The following CACNA2D3 variants were observed in gnomAD, a reference collection of about 807,000 sequenced individuals.
CACNA2D3 encodes voltage-dependent calcium channel subunit alpha-2/delta-3.
Under a neutral mutation model 160.6 loss-of-function variants are expected in CACNA2D3, and 60 were observed. The ratio of observed to expected loss-of-function variants is 0.37; its 90% confidence interval spans 0.30 to 0.46. CACNA2D3 has a LOEUF of 0.46. CACNA2D3 is among the 20% of genes least tolerant of loss of function. CACNA2D3 has a pLI of 1.00. For missense variants in CACNA2D3, 1,205 were observed against 1,365.0 expected, an observed-to-expected ratio of 0.88 and a Z score of 1.85; for synonymous variants, 558 against 492.9, an observed-to-expected ratio of 1.13 and a Z score of -1.75.
rs529305055 is a variant in CACNA2D3, at chr3:54,658,572, C to T, written c.1167+16331C>T. Among the ~76,000 whole-genome samples the T allele has an allele frequency of 1.6e-3, 237 of 152,132 alleles. 1 individual carries two copies. The highest frequency in any genetic ancestry group is 3.0e-3 in the Non-Finnish European group (204 of 68,008). ...TCTCTTATGTTTTGGAAATTAAACC[C>T]GTATCAGATAAATGGTTTATAAATG... On this transcript the variant is annotated intron_variant, in intron 11 of 37. Coordinates refer to ENST00000474759, the MANE Select transcript of CACNA2D3 (RefSeq NM_018398.3).
intron 3 of CACNA2D3, among the ~76,000 whole-genome samples, chr3:54,379,828 C>T (rs924810481): frequency 1.2e-4 from 18 of 152,188 alleles, no homozygotes; most frequent in African/African-American, 3.4e-4. Flanking sequence ...TTCCTGACAG[C>T]ATTCTTTGTC....
chr3:55,007,604 T>A (rs1241229109), intron 32 of CACNA2D3, among the ~76,000 whole-genome samples, 186 bp from the exon 33 acceptor site: 2 of 152,228 alleles, frequency 1.3e-5, no homozygotes. Flanking sequence ...GAGTTCAAAG[T>A]TTTAAAATGT....
At chr3:54,668,696 C>T (rs989037040) in intron 11 of CACNA2D3, among the ~76,000 whole-genome samples, 1 of 152,244 alleles carries the variant, frequency 6.6e-6, no homozygotes, top group Non-Finnish European at 1.5e-5. Context: ...GGGTTTGTTA[C>T]TTCAGCCACT....
intron 10 of CACNA2D3, chr3:54,638,983 AAGAGTAGAG>A (rs1385976265): frequency 6.6e-6 from 1 of 152,148 alleles, no homozygotes; most frequent in African/African-American, 2.4e-5. Context: ...GCCCAGAGAA[AAGAGTAGAG>A]ACACGGAGAA....
chr3:54,362,947 A>G (rs770069576), intron 3 of CACNA2D3, among the ~76,000 whole-genome samples: 5 of 152,222 alleles, frequency 3.3e-5, no homozygotes, highest in Admixed American at 6.5e-5. Flanking sequence ...CTGTAATCCC[A>G]GCACTTTGGG....
intron 3 of CACNA2D3, among the ~76,000 whole-genome samples, chr3:54,329,745 C>CATAATA (rs574345629): frequency 1.3e-5 from 2 of 151,504 alleles, no homozygotes; most frequent in South Asian, 2.1e-4. Context: ...AGAAGAAAGC[C>CATAATA]ATAATAATAA....
chr3:54,742,311 G>A (rs980474491), intron 11 of CACNA2D3, among the ~76,000 whole-genome samples: 10 of 152,116 alleles, frequency 6.6e-5, no homozygotes, highest in Admixed American at 6.5e-4. Context: ...CCAGCTACTT[G>A]GGAGGCTGAG....
chr3:54,168,065 T>TTTTC (rs1213510778), intron 2 of CACNA2D3, among the ~76,000 whole-genome samples: 1 of 152,204 alleles, frequency 6.6e-6, no homozygotes, highest in Non-Finnish European at 1.5e-5. Context: ...TTGTCTACAT[T>TTTTC]TTTCTTTCTT....
At chr3:54,888,778 C>T (rs1699988474) in intron 24 of CACNA2D3, among the ~76,000 whole-genome samples, 1 of 151,696 alleles carries the variant, frequency 6.6e-6, no homozygotes, top group Admixed American at 6.6e-5. Context: ...TCTTCCCTTC[C>T]ATCCTGACAT....
intron 5 of CACNA2D3, among the ~76,000 whole-genome samples, chr3:54,544,143 TA>T (rs1477106570): frequency 6.6e-5 from 10 of 152,232 alleles, no homozygotes; most frequent in African/African-American, 2.2e-4. Context: ...AACTATGTTT[TA>T]TCTATAATTC....
intron 34 of CACNA2D3, among the ~76,000 whole-genome samples, chr3:55,010,934 A>G (rs1703197913): frequency 6.6e-6 from 1 of 152,092 alleles, no homozygotes; most frequent in African/African-American, 2.4e-5. Flanking sequence ...TTCTCTCTTA[A>G]CACCTAACTG....
intron 2 of CACNA2D3, among the ~76,000 whole-genome samples, chr3:54,306,796 G>T (rs1003197784): frequency 6.6e-6 from 1 of 152,212 alleles, no homozygotes; most frequent in African/African-American, 2.4e-5. Context: ...TCTGGGAGAT[G>T]CCAGGCTATG....
chr3:54,713,895 A>G (rs749242916), intron 11 of CACNA2D3, among the ~76,000 whole-genome samples: 3 of 152,188 alleles, frequency 2.0e-5, no homozygotes, highest in Non-Finnish European at 2.9e-5. Flanking sequence ...ATTGCATCAT[A>G]TGTAATTACA....
At chr3:54,637,474 T>C (rs1380473716) in intron 10 of CACNA2D3, among the ~76,000 whole-genome samples, 1 of 151,816 alleles carries the variant, frequency 6.6e-6, no homozygotes, top group Non-Finnish European at 1.5e-5. Flanking sequence ...ATAAGGGAAC[T>C]GGGCAGGTGG....
chr3:54,989,596 C>T (rs1186293368), intron 31 of CACNA2D3, among the ~76,000 whole-genome samples: 1 of 152,152 alleles, frequency 6.6e-6, no homozygotes, highest in Admixed American at 6.5e-5. Flanking sequence ...AGTCAGATTA[C>T]CTCTCCAAAC....
At chr3:54,518,908 G>A (rs76347284) in intron 5 of CACNA2D3, among the ~76,000 whole-genome samples, 3,092 of 141,088 alleles carry the variant, frequency 0.022, 91 homozygotes, top group East Asian at 0.12. Flanking sequence ...ACATTTAGTA[G>A]CTAATGTGAG....
chr3:54,974,680 A>G (rs533909418), intron 29 of CACNA2D3, among the ~76,000 whole-genome samples: 8 of 152,208 alleles, frequency 5.3e-5, no homozygotes, highest in Non-Finnish European at 7.3e-5. Context: ...TAAAACATCA[A>G]CTTCCCTCTG....
intron 2 of CACNA2D3, among the ~76,000 whole-genome samples, chr3:54,227,067 C>G (rs1701686100): frequency 6.6e-6 from 1 of 152,178 alleles, no homozygotes; most frequent in Non-Finnish European, 1.5e-5. Flanking sequence ...TCTCCTTTGT[C>G]CTGGCAGACC....
intron 2 of CACNA2D3, among the ~76,000 whole-genome samples, chr3:54,181,223 T>G (rs1332184278): frequency 1.3e-5 from 2 of 152,222 alleles, no homozygotes; most frequent in African/African-American, 4.8e-5. Flanking sequence ...ATAAATAAAT[T>G]GAGCTATGGT....
Sources: allele counts gnomAD v4.1 joint callset (sites outside exome capture counted in the v4.1 genomes callset), GRCh38; gene constraint gnomAD v4.1.1; transcripts MANE v1.5; gene names NCBI Gene and HGNC (gene_info 2026-07-23, HGNC 2026-07-21).